Variants in MYT1L observed in about 807,000 individuals in gnomAD.
MYT1L encodes myelin transcription factor 1-like protein.
A neutral mutation model predicts 126.7 loss-of-function variants in MYT1L; 12 were observed. The observed-to-expected ratio is 0.09, with a 90% confidence interval of 0.06 to 0.15. The LOEUF (loss-of-function observed/expected upper bound fraction) is 0.15, where lower values mean the gene tolerates loss of function less well. Ranked by LOEUF, MYT1L falls within the 10% of genes least tolerant of loss-of-function variation. MYT1L has a pLI of 1.00. For synonymous variants in MYT1L, 541 were observed against 604.2 expected (o/e 0.90, Z 1.53); for missense variants, 979 against 1,585.2 (o/e 0.62, Z 6.49).
intron 19 of MYT1L, chr2:1,841,309 G>A (rs111674830): frequency 0.048 from 6,351 of 131,614 alleles, 601 homozygotes; most frequent in African/African-American, 0.17. Context: ...GACTATAGGC[G>A]CCCGCCACCA....
At chr2:2,164,325 A>C (rs1175019123) in intron 3 of MYT1L, among the ~76,000 whole-genome samples, 1 of 151,872 alleles carries the variant, frequency 6.6e-6, no homozygotes, top group Admixed American at 6.6e-5. Context: ...AGGTCTTTTA[A>C]GTATTCCCTT....
chr2:1,941,278 G>A (rs147635025), intron 9 of MYT1L, among the ~76,000 whole-genome samples: 151 of 152,204 alleles, frequency 9.9e-4, no homozygotes, highest in African/African-American at 3.4e-3. Flanking sequence ...ATCTTAATCC[G>A]TCGCACCAAA....
chr2:2,320,400 C>T (rs1559667017), intron 1 of MYT1L, among the ~76,000 whole-genome samples: 1 of 150,746 alleles, frequency 6.6e-6, no homozygotes, highest in South Asian at 2.1e-4. Flanking sequence ...ACATGGTGCT[C>T]ATTCACACCA....
At chr2:2,294,464 C>T (rs765583997) in intron 1 of MYT1L, among the ~76,000 whole-genome samples, 4 of 152,112 alleles carry the variant, frequency 2.6e-5, no homozygotes, top group African/African-American at 9.7e-5. Context: ...GTCTGATGCC[C>T]GCGCCTGATG....
chr2:2,264,763 G>A (rs1489290493), intron 2 of MYT1L, among the ~76,000 whole-genome samples: 7 of 152,130 alleles, frequency 4.6e-5, no homozygotes, highest in African/African-American at 7.2e-5. Context: ...GCCACGAATC[G>A]TAAAAATGTC....
intron 18 of MYT1L, among the ~76,000 whole-genome samples, chr2:1,853,728 G>A (rs993803831): frequency 2.6e-5 from 4 of 152,184 alleles, no homozygotes; most frequent in Non-Finnish European, 5.9e-5. Context: ...CATAGTGCAT[G>A]TTTATTTAAA....
chr2:1,925,317 T>C (rs1014513091), intron 9 of MYT1L, among the ~76,000 whole-genome samples: 6 of 152,222 alleles, frequency 3.9e-5, no homozygotes, highest in African/African-American at 9.6e-5. Flanking sequence ...TTGCTGCTTC[T>C]ACAGCCACAA....
At chr2:2,077,486 G>A (rs1039207801) in intron 3 of MYT1L, among the ~76,000 whole-genome samples, 1 of 152,092 alleles carries the variant, frequency 6.6e-6, no homozygotes, top group African/African-American at 2.4e-5. Flanking sequence ...CAAACAAACA[G>A]ACATGATTCA....
At chr2:1,924,308 A>G (rs12990412) in intron 9 of MYT1L, among the ~76,000 whole-genome samples, 4,640 of 152,262 alleles carry the variant, frequency 0.03, 102 homozygotes, top group Non-Finnish European at 0.048. Flanking sequence ...TTCCATGTAC[A>G]TTGCAAAATA....
At chr2:1,926,537 G>A (rs1225663763) in intron 9 of MYT1L, among the ~76,000 whole-genome samples, 1 of 152,156 alleles carries the variant, frequency 6.6e-6, no homozygotes, top group Non-Finnish European at 1.5e-5. Flanking sequence ...ACCTCAAAAA[G>A]CAGGAGGCCA....
chr2:2,010,888 C>G (rs1363849260), intron 4 of MYT1L, among the ~76,000 whole-genome samples: 1 of 152,196 alleles, frequency 6.6e-6, no homozygotes, highest in African/African-American at 2.4e-5. Context: ...ACAGACTCTT[C>G]ACAGGGGTGC....
intron 2 of MYT1L, among the ~76,000 whole-genome samples, chr2:2,237,293 T>C (rs1174704206): frequency 6.6e-6 from 1 of 152,102 alleles, no homozygotes; most frequent in African/African-American, 2.4e-5. Context: ...TAACCAGCAC[T>C]TTTCACACAA....
intron 14 of MYT1L, among the ~76,000 whole-genome samples, chr2:1,897,365 C>A (rs1230302271): frequency 6.6e-6 from 1 of 152,210 alleles, no homozygotes; most frequent in Admixed American, 6.5e-5. Flanking sequence ...TCTGTTCCCC[C>A]TCTTCCAGCA....
At chr2:1,934,164 C>T (rs930664814) in intron 9 of MYT1L, among the ~76,000 whole-genome samples, 24 of 151,042 alleles carry the variant, frequency 1.6e-4, no homozygotes, top group South Asian at 6.3e-4. Context: ...TTAGTAGAGA[C>T]GGGGTTTCAT....
chr2:1,959,233 T>C (rs2058761006), intron 8 of MYT1L, among the ~76,000 whole-genome samples: 1 of 152,190 alleles, frequency 6.6e-6, no homozygotes, highest in African/African-American at 2.4e-5. Context: ...TCTTTCCAGA[T>C]CATGCTCCTG....
At chr2:1,991,719 C>T (rs1164529724) in intron 5 of MYT1L, among the ~76,000 whole-genome samples, 1 of 152,128 alleles carries the variant, frequency 6.6e-6, no homozygotes, top group Non-Finnish European at 1.5e-5. Context: ...GGCTAACCTG[C>T]CCTCTCTCAT....
intron 4 of MYT1L, among the ~76,000 whole-genome samples, chr2:2,029,387 A>T (rs886628330): frequency 6.6e-6 from 1 of 152,206 alleles, no homozygotes; most frequent in South Asian, 2.1e-4. Flanking sequence ...ATGAAGAAAG[A>T]GCAAAGTCAC....
At chr2:1,933,124 T>C (rs1050088798) in intron 9 of MYT1L, among the ~76,000 whole-genome samples, 2 of 151,964 alleles carry the variant, frequency 1.3e-5, no homozygotes, top group African/African-American at 2.4e-5. Flanking sequence ...TTCAAGGTCA[T>C]ATGGCTAGGA....
chr2:2,298,568 T>C (rs1335104382), intron 1 of MYT1L, among the ~76,000 whole-genome samples: 2 of 152,212 alleles, frequency 1.3e-5, no homozygotes, highest in African/African-American at 4.8e-5. Flanking sequence ...ATGTGATAAA[T>C]AATACCTTGA....
Sources: allele counts gnomAD v4.1 joint callset (sites outside exome capture counted in the v4.1 genomes callset), GRCh38; gene constraint gnomAD v4.1.1; transcripts MANE v1.5; gene names NCBI Gene and HGNC (gene_info 2026-07-23, HGNC 2026-07-21).